The following CAPS2 variants were observed in gnomAD, a reference collection of about 807,000 sequenced individuals.
CAPS2 encodes the protein calcyphosine 2.
A neutral mutation model predicts 86.5 loss-of-function variants in CAPS2; 98 were observed. The observed-to-expected ratio is 1.13, with a 90% CI of 0.96 to 1.34. The LOEUF (loss-of-function observed/expected upper bound fraction) is 1.34. CAPS2 is among the 40% of genes most tolerant of loss of function. CAPS2 has a pLI of 0.00. For synonymous variants in CAPS2, 210 were observed against 225.1 expected (o/e 0.93, Z 0.60); for missense variants, 729 against 686.8 (o/e 1.06, Z -0.69).
Position 75,305,924 on chromosome 12 carries a change from C to A in CAPS2, c.660-1048G>T, listed in dbSNP as rs977990084. The A allele has an allele frequency of 1.6e-5, 16 of 976,384 alleles. No individual in the cohort carries two copies. The African/African-American group carries it at 2.2e-4, about 14-fold the overall frequency. The allele number at this position is 976,384 out of a possible 1,614,324, so 60.5% of individuals were successfully genotyped here. A position where few individuals can be genotyped will look rare whatever the true frequency, so the allele number is the denominator to read the frequency against. Reference sequence around the variant, plus strand: ...TCCAACCTCCACACCATGAAGTCTGCGCTGGTGAAAGCGCTGGAGCCCGAG... The same window carrying A: ...TCCAACCTCCACACCATGAAGTCTGAGCTGGTGAAAGCGCTGGAGCCCGAG... On this transcript the variant is annotated intron_variant, in intron 7 of 16. Coordinates refer to ENST00000393284, the Ensembl canonical transcript of CAPS2.
At chr12:75,281,756 G>GA (rs1049433578) in intron 16 of CAPS2, among the ~76,000 whole-genome samples, 2 of 151,900 alleles carry the variant, frequency 1.3e-5, no homozygotes, top group African/African-American at 4.8e-5. Context: ...AAAAAAGTTA[G>GA]AAAAAATATA....
In CAPS2 at chr12:75,359,168, C is replaced by T. The variant is rs1358484662; in HGVS notation, c.-395+31670G>A. On this transcript the variant is annotated intron_variant, in intron 1 of 5. Coordinates refer to the CAPS2 transcript ENST00000551829. The stretch of plus-strand genomic sequence containing the variant: ...ACATGTCTGTATACTAACACTTAAC[C>T]AGAAATTGAATGAAAATAACATCAT... 2.7e-5 allele frequency among the ~76,000 whole-genome samples: 4 copies of T among 150,212 alleles called. No individual in the cohort carries two copies. In the East Asian group the frequency reaches 7.8e-4, roughly 29 times the overall value.
exon 1 of CAPS2, chr12:75,326,467 G>A (rs2040796136): frequency 6.5e-7 from 1 of 1,545,456 alleles, no homozygotes; most frequent in Admixed American, 2.0e-5. Flanking sequence ...GCTCCTAGAA[G>A]TGGCAGCAAC....
At chr12:75,388,068 G>C (rs1433985829) in intron 1 of CAPS2, among the ~76,000 whole-genome samples, 2 of 152,120 alleles carry the variant, frequency 1.3e-5, no homozygotes, top group South Asian at 4.1e-4. Flanking sequence ...TAATCCCCAC[G>C]TGTCATGGGA....
chr12:75,284,722 A>C (rs2034567066), intron 15 of CAPS2, among the ~76,000 whole-genome samples: 1 of 152,074 alleles, frequency 6.6e-6, no homozygotes, highest in Non-Finnish European at 1.5e-5. Flanking sequence ...TTTGTTAACC[A>C]AAATTTGATT....
At chr12:75,369,709 C>A in intron 1 of CAPS2, 1 of 985,064 alleles carries the variant, frequency 1.0e-6, no homozygotes, top group Non-Finnish European at 1.2e-6. Context: ...ATAGCTTTTT[C>A]TGGTTTTGAC....
At chr12:75,321,342 G>T in intron 5 of CAPS2, 58 bp downstream of exon 5, 1 of 1,071,250 alleles carries the variant, frequency 9.3e-7, no homozygotes, top group Non-Finnish European at 1.3e-6. Flanking sequence ...AGAGATTTCT[G>T]TAATATGTGC....
intron 7 of CAPS2, chr12:75,306,148 G>A (rs2038464075): frequency 3.8e-6 from 4 of 1,056,744 alleles, no homozygotes; most frequent in Non-Finnish European, 5.8e-6. Context: ...CATCACCGAG[G>A]AGTTCGTCCA....
At chr12:75,341,603 C>T (rs951368191) in intron 1 of CAPS2, among the ~76,000 whole-genome samples, 7 of 152,006 alleles carry the variant, frequency 4.6e-5, no homozygotes, top group Non-Finnish European at 8.8e-5. Flanking sequence ...CCCGCCACCA[C>T]GCCCGCAGAA....
chr12:75,314,284 G>A (rs897500593), intron 6 of CAPS2, among the ~76,000 whole-genome samples: 17 of 151,992 alleles, frequency 1.1e-4, no homozygotes, highest in Admixed American at 9.2e-4. Flanking sequence ...TAAATTTAAC[G>A]TAGGTTAAAT....
At chr12:75,305,015 T>A in intron 7 of CAPS2, 139 bp from the exon 8 acceptor site, 1 of 568,146 alleles carries the variant, frequency 1.8e-6, no homozygotes, top group Non-Finnish European at 2.8e-6. Context: ...ATTAAATAAA[T>A]TTATTAAAAA....
At chr12:75,344,649 C>A (rs1386005314) in intron 1 of CAPS2, among the ~76,000 whole-genome samples, 1 of 151,974 alleles carries the variant, frequency 6.6e-6, no homozygotes, top group Admixed American at 6.6e-5. Flanking sequence ...GAATTTTCTT[C>A]CATCATATCA....
chr12:75,379,235 T>C (rs1233082512), intron 1 of CAPS2, among the ~76,000 whole-genome samples: 1 of 152,188 alleles, frequency 6.6e-6, no homozygotes, highest in Admixed American at 6.5e-5. Context: ...GTCAGAGTGT[T>C]AAATTAGCAC....
At chr12:75,322,579 G>C (rs2040404968) in intron 4 of CAPS2, among the ~76,000 whole-genome samples, 2 of 152,140 alleles carry the variant, frequency 1.3e-5, no homozygotes, top group African/African-American at 4.8e-5. Context: ...CAAAACACTA[G>C]ATATGTTTGA....
At chr12:75,294,702 A>G (rs1423102756) in intron 11 of CAPS2, among the ~76,000 whole-genome samples, 2 of 152,142 alleles carry the variant, frequency 1.3e-5, no homozygotes, top group Non-Finnish European at 2.9e-5. Context: ...GACAAATGGT[A>G]CCCCGGAGTC....
At chr12:75,322,934 GAATAA>G in intron 4 of CAPS2, 8 of 1,114,238 alleles carry the variant, frequency 7.2e-6, no homozygotes, top group Non-Finnish European at 1.1e-5. Flanking sequence ...AAATATTTTA[GAATAA>G]AATTCTGAAA....
chr12:75,319,702 T>C (rs1238304057), intron 5 of CAPS2, among the ~76,000 whole-genome samples: 4 of 152,196 alleles, frequency 2.6e-5, no homozygotes, highest in Non-Finnish European at 5.9e-5. Flanking sequence ...TTAGCAATGA[T>C]AGCCTTTAGT....
intron 8 of CAPS2, among the ~76,000 whole-genome samples, chr12:75,302,183 G>T (rs145908707): frequency 6.6e-6 from 1 of 152,086 alleles, no homozygotes; most frequent in African/African-American, 2.4e-5. Flanking sequence ...AAAATAAATG[G>T]GGCATAAGAG....
chr12:75,368,824 G>A (rs527874687), intron 1 of CAPS2, among the ~76,000 whole-genome samples: 3 of 151,768 alleles, frequency 2.0e-5, no homozygotes, highest in Non-Finnish European at 2.9e-5. Flanking sequence ...TTGTTCTAGT[G>A]TGAGTGTGTT....
Sources: gnomAD v4.1 joint callset for allele counts (sites outside exome capture counted in the v4.1 genomes callset) on GRCh38, gnomAD v4.1.1 for gene constraint, MANE v1.5 for transcripts, NCBI Gene and HGNC (gene_info 2026-07-23, HGNC 2026-07-21) for gene names.